Variants in MRPS28 observed in about 807,000 individuals in gnomAD.
The protein encoded by MRPS28 is mitochondrial ribosomal protein S28, also known as small ribosomal subunit protein bS1m.
A neutral mutation model predicts 10.8 loss-of-function variants in MRPS28; 7 were observed. The observed-to-expected ratio is 0.65, with a 90% CI of 0.37 to 1.22. MRPS28 has a LOEUF of 1.22. MRPS28 is among the 50% of genes most tolerant of loss of function. MRPS28 has a pLI of 0.02. For synonymous variants in MRPS28, 121 were observed against 93.3 expected, an observed-to-expected ratio of 1.30 and a Z score of -1.71; for missense variants, 265 against 232.9, an observed-to-expected ratio of 1.14 and a Z score of -0.90.
At chr8:79,984,787 G>A (rs554609607) in intron 2 of MRPS28, among the ~76,000 whole-genome samples, 145 of 152,248 alleles carry the variant, frequency 9.5e-4, no homozygotes, top group Non-Finnish European at 1.7e-3. Context: ...AGTCCTGAGT[G>A]ACCTACAAAG....
chr8:79,982,921 C>A (rs1672422420), intron 2 of MRPS28, among the ~76,000 whole-genome samples: 1 of 144,170 alleles, frequency 6.9e-6, no homozygotes, highest in East Asian at 2.1e-4. Context: ...AGTGGTTCTC[C>A]CAGCACACAG....
intron 1 of MRPS28, among the ~76,000 whole-genome samples, chr8:80,012,418 G>C (rs1039094645): frequency 3.9e-5 from 6 of 152,116 alleles, no homozygotes; most frequent in African/African-American, 1.4e-4. Flanking sequence ...AGTAAATGTA[G>C]CAACTCCCAC....
chr8:80,024,755 A>C (rs1809455967), intron 1 of MRPS28, among the ~76,000 whole-genome samples: 1 of 152,230 alleles, frequency 6.6e-6, no homozygotes, highest in Non-Finnish European at 1.5e-5. Context: ...TTAAGTGTAA[A>C]GCATTATGCA....
chr8:79,927,806 AG>A (rs1163698753), intron 2 of MRPS28, among the ~76,000 whole-genome samples: 1 of 152,188 alleles, frequency 6.6e-6, no homozygotes, highest in African/African-American at 2.4e-5. Flanking sequence ...AATACTTAAG[AG>A]ACTGTTATTG....
At chr8:80,026,278 AAT>A (rs1465421648) in intron 1 of MRPS28, among the ~76,000 whole-genome samples, 2 of 152,208 alleles carry the variant, frequency 1.3e-5, no homozygotes, top group African/African-American at 4.8e-5. Flanking sequence ...CCTTACCATA[AAT>A]ATGTTAGAAA....
At chr8:79,990,881 C>G (rs927310195) in intron 2 of MRPS28, among the ~76,000 whole-genome samples, 2 of 151,318 alleles carry the variant, frequency 1.3e-5, no homozygotes, top group Non-Finnish European at 2.9e-5. Context: ...GTCCCAGCTA[C>G]TCGGGAGGCT....
intron 1 of MRPS28, among the ~76,000 whole-genome samples, chr8:80,004,996 A>T (rs1808787553): frequency 6.6e-6 from 1 of 152,234 alleles, no homozygotes; most frequent in African/African-American, 2.4e-5. Context: ...TGAAAAGACC[A>T]AATCTACGTC....
At chr8:79,938,229 T>TGG (rs11447460) in intron 2 of MRPS28, among the ~76,000 whole-genome samples, 4,138 of 149,592 alleles carry the variant, frequency 0.028, 71 homozygotes, top group Non-Finnish European at 0.042. Context: ...AAGACATAGG[T>TGG]GGGGGGGGGC....
At chr8:79,926,141 G>GAA (rs200122760) in intron 2 of MRPS28, among the ~76,000 whole-genome samples, 5 of 151,368 alleles carry the variant, frequency 3.3e-5, no homozygotes, top group African/African-American at 1.2e-4. Context: ...ATGGAAAGGG[G>GAA]AAAAAAAACC....
chr8:79,933,915 G>A (rs1436135246), intron 2 of MRPS28, among the ~76,000 whole-genome samples: 1 of 152,176 alleles, frequency 6.6e-6, no homozygotes, highest in Non-Finnish European at 1.5e-5. Flanking sequence ...TGTTTGCACA[G>A]TTCATTTGGC....
At chr8:79,957,847 A>G (rs1807268924) in intron 2 of MRPS28, 1 of 152,236 alleles carries the variant, frequency 6.6e-6, no homozygotes, top group Non-Finnish European at 1.5e-5. Flanking sequence ...GTGGTTGAAG[A>G]AGACACAAAT....
Position 79,993,628 on chromosome 8 carries a change from A to G in MRPS28, c.395+9371T>C, listed in dbSNP as rs141676370. 2.4e-4 allele frequency among the ~76,000 whole-genome samples: 36 copies of G among 152,346 alleles called. 1 individual carries two copies. The highest frequency in any genetic ancestry group is 8.2e-4 in the African/African-American group (34 of 41,588). ...AAGGTTTCCTATTAAAAAGCTAAATATAACGGATGCTCTTCTATCCTAAAA... is the reference window on the plus strand; with the variant it reads ...AAGGTTTCCTATTAAAAAGCTAAATGTAACGGATGCTCTTCTATCCTAAAA... On this transcript the variant is annotated intron_variant, in intron 2 of 2. Coordinates refer to ENST00000276585, the MANE Select transcript of MRPS28 (RefSeq NM_014018.3).
At chr8:79,973,748 C>A (rs79369437) in intron 2 of MRPS28, among the ~76,000 whole-genome samples, 1 of 149,906 alleles carries the variant, frequency 6.7e-6, no homozygotes, top group Non-Finnish European at 1.5e-5. Context: ...AACTTTGGAA[C>A]AGCAGCAGGT....
At chr8:80,027,263 C>T (rs979924015) in intron 1 of MRPS28, among the ~76,000 whole-genome samples, 6 of 152,258 alleles carry the variant, frequency 3.9e-5, no homozygotes, top group East Asian at 1.9e-4. Context: ...ACTGAGAGCA[C>T]GTTAAATGTA....
chr8:79,988,363 G>A (rs1048495012), intron 2 of MRPS28, among the ~76,000 whole-genome samples: 1 of 151,470 alleles, frequency 6.6e-6, no homozygotes, highest in Non-Finnish European at 1.5e-5. Context: ...CATGGCACGT[G>A]TATATGTATG....
In MRPS28 at chr8:80,016,076, G is replaced by A. The variant is rs141331485; in HGVS notation, c.214-12896C>T. Among the ~76,000 whole-genome samples the A allele has an allele frequency of 8.6e-3, 1,307 of 152,144 alleles. 26 individuals carry two copies. Among genetic ancestry groups the A allele is most frequent in the African/African-American group, 0.03 (1,245 of 41,512 alleles). On this transcript the variant is annotated intron_variant, in intron 1 of 2. Transcript: ENST00000276585. ...CAACTACAAAAGGTGTAAACTAATG[G>A]GAATTCTAGAAGGAGAAGAAAGACA...
At chr8:80,019,793 A>G (rs1203137397) in intron 1 of MRPS28, among the ~76,000 whole-genome samples, 1 of 152,232 alleles carries the variant, frequency 6.6e-6, no homozygotes, top group Non-Finnish European at 1.5e-5. Flanking sequence ...ATTACACAAT[A>G]TAAGGTTAAT....
intron 1 of MRPS28, among the ~76,000 whole-genome samples, chr8:80,015,823 C>T (rs748866127): frequency 4.6e-5 from 7 of 151,768 alleles, no homozygotes; most frequent in African/African-American, 1.5e-4. Context: ...AAGCAATGTA[C>T]GCAGAAAGAT....
intron 1 of MRPS28, among the ~76,000 whole-genome samples, chr8:80,027,263 C>A (rs979924015): frequency 6.6e-6 from 1 of 152,142 alleles, no homozygotes; most frequent in Non-Finnish European, 1.5e-5. Flanking sequence ...ACTGAGAGCA[C>A]GTTAAATGTA....
Sources: allele counts gnomAD v4.1 joint callset (sites outside exome capture counted in the v4.1 genomes callset), GRCh38; gene constraint gnomAD v4.1.1; transcripts MANE v1.5; gene names NCBI Gene and HGNC (gene_info 2026-07-23, HGNC 2026-07-21).